NCOA6: variants seen among roughly 807,000 people sequenced by gnomAD.
NCOA6 encodes NRC RAP250.
Under a neutral mutation model 171.4 loss-of-function variants are expected in NCOA6, and 49 were observed. The ratio of observed to expected loss-of-function variants is 0.29; its 90% CI spans 0.23 to 0.36. NCOA6 has a LOEUF of 0.36. Ranked by LOEUF, NCOA6 falls within the 10% of genes least tolerant of loss-of-function variation. NCOA6 has a pLI of 1.00. For synonymous variants in NCOA6, 910 were observed against 927.5 expected (o/e 0.98, Z 0.34); for missense variants, 2,248 against 2,554.5 (o/e 0.88, Z 2.59).
intron 1 of NCOA6, among the ~76,000 whole-genome samples, chr20:34,818,000 T>C (rs559231174): frequency 2.0e-5 from 3 of 152,318 alleles, no homozygotes; most frequent in Admixed American, 6.5e-5. Flanking sequence ...TATGCAGAGA[T>C]TAGGAAGGCA....
intron 4 of NCOA6, 73 bp downstream of exon 4, chr20:34,776,220 G>T: frequency 6.6e-7 from 1 of 1,523,602 alleles, no homozygotes; most frequent in Non-Finnish European, 8.9e-7. Context: ...AGACAAAGCA[G>T]CACAGAAAAT....
intron 5 of NCOA6, among the ~76,000 whole-genome samples, chr20:34,767,073 C>A (rs1038477971): frequency 7.2e-5 from 11 of 152,118 alleles, no homozygotes; most frequent in Non-Finnish European, 1.2e-4. Flanking sequence ...TTTCCTAAGT[C>A]CTAACAAGAA....
In NCOA6 at chr20:34,741,512, G is replaced by C; in HGVS notation, c.4744C>G (p.Pro1582Ala). The change falls in exon 11 of 15, where the codon CCT (proline) becomes GCT (alanine). Residue 1582 changes from proline to alanine, a missense_variant. By Grantham distance (27) the Pro-to-Ala change is conservative (BLOSUM62 -1). Around this residue, in one of 7 missense-constraint regions of NCOA6, gnomAD observed 884 missense variants for 941.9 expected, o/e 0.94. Coordinates refer to ENST00000359003, the MANE Select transcript of NCOA6 (RefSeq NM_014071.5). ...APSIPPVMSR[P>A]VSSSSISTPL... ...GTGGAAATGGAGGAAGAGCTAACAG[G>C]TCTTGACATTACTGGAGGGATGCTT... The C allele has an allele frequency of 6.2e-7, 1 of 1,614,174 alleles. No individual in the cohort carries two copies. Among genetic ancestry groups the C allele is most frequent in the Middle Eastern group, 1.6e-4 (1 of 6,062 alleles).
At chr20:34,797,446 G>A (rs770175347) in intron 1 of NCOA6, among the ~76,000 whole-genome samples, 1 of 152,028 alleles carries the variant, frequency 6.6e-6, no homozygotes, top group Non-Finnish European at 1.5e-5. Context: ...AAAGACCCAT[G>A]AGGCCCCAAA....
In NCOA6 at chr20:34,746,830, G is replaced by A; in HGVS notation, c.2891C>T (p.Pro964Leu). ...INLDNSGPKLPEFSNRPPGYP... is the reference protein window; with the variant it reads ...INLDNSGPKLLEFSNRPPGYP... ...ACCTGGTGGCCGGTTTGAAAATTCTGGCAGTTTAGGGCCTGAGTTATCCAA... is the reference window on the plus strand; with the variant it reads ...ACCTGGTGGCCGGTTTGAAAATTCTAGCAGTTTAGGGCCTGAGTTATCCAA... Residue 964 changes from proline (P) to leucine (L), a missense_variant, in exon 10 of 15, where the codon CCA (proline) becomes CTA (leucine). Around this residue, in one of 7 missense-constraint regions of NCOA6, gnomAD observed 352 missense variants for 419.1 expected, o/e 0.84. Transcript: ENST00000359003. 6.2e-7 allele frequency: 1 copy of A among 1,607,802 alleles called. No individual in the cohort carries two copies. The highest frequency in any genetic ancestry group is 2.2e-5 in the East Asian group (1 of 44,784).
intron 6 of NCOA6, 133 bp from the exon 7 acceptor site, chr20:34,758,237 C>T: frequency 4.1e-6 from 5 of 1,211,246 alleles, no homozygotes; most frequent in Non-Finnish European, 5.6e-6. Flanking sequence ...CTTGTGAATA[C>T]CTTCTATGTA....
At chr20:34,791,235 C>T (rs974415437) in intron 2 of NCOA6, among the ~76,000 whole-genome samples, 1 of 152,216 alleles carries the variant, frequency 6.6e-6, no homozygotes, top group African/African-American at 2.4e-5. Context: ...CCACTCCATA[C>T]AGAAAGTAGC....
Position 34,778,684 on chromosome 20 carries a change from C to CA in NCOA6, c.236-2237_236-2236insT, listed in dbSNP as rs1318951569. On this transcript the variant is annotated intron_variant, in intron 3 of 14. Transcript: ENST00000359003. ...CTTGTGATCCACCTGCCTCGGCCTCCCAAAGTGCTGGGATTGCAGGCATGA... is the reference window on the plus strand; with the variant it reads ...CTTGTGATCCACCTGCCTCGGCCTCCACAAAGTGCTGGGATTGCAGGCATGA... Among the ~76,000 whole-genome samples, 3 of 151,990 alleles carry CA rather than the reference C, an allele frequency of 2.0e-5. No homozygotes were observed. In the East Asian group the frequency reaches 5.8e-4, roughly 30 times the overall value.
chr20:34,742,162 A>C lies in NCOA6; in HGVS notation c.4094T>G (p.Leu1365Trp), dbSNP rs777000211. 6.2e-7 allele frequency: 1 copy of C among 1,614,220 alleles called. No homozygotes were observed. Among genetic ancestry groups the C allele is most frequent in the Admixed American group, 1.7e-5 (1 of 60,024 alleles). Residue 1365 changes from leucine (L) to tryptophan (W), a missense_variant, in exon 11 of 15, where the codon TTG (leucine) becomes TGG (tryptophan). Coordinates refer to ENST00000359003, the MANE Select transcript of NCOA6 (RefSeq NM_014071.5). ...TLASQTNAALLQNVELPRNVL... is the reference protein window; with the variant it reads ...TLASQTNAALWQNVELPRNVL... ...ATTTCTCGGCAACTCCACATTCTGC[A>C]ATAGGGCTGCATTTGTCTGAGAGGC...
intron 3 of NCOA6, among the ~76,000 whole-genome samples, chr20:34,779,142 T>C (rs2077440800): frequency 6.6e-6 from 1 of 152,108 alleles, no homozygotes; most frequent in African/African-American, 2.4e-5. Flanking sequence ...AAAAGTTAAG[T>C]AATTGAGGAG....
chr20:34,757,241 T>C lies in NCOA6; in HGVS notation c.1507A>G (p.Ser503Gly). The C allele has an allele frequency of 6.3e-7, 1 of 1,597,926 alleles. No individual in the cohort carries two copies. The highest frequency in any genetic ancestry group is 8.5e-7 in the Non-Finnish European group (1 of 1,171,968). The change falls in exon 7 of 15, where the codon AGT becomes GGT. Residue 503 changes from serine to glycine, a missense_variant. Ser to Gly is a moderately conservative substitution (Grantham distance 56). This residue lies in a region of NCOA6 where 987 missense variants were observed against 1,104.7 expected (regional missense o/e 0.89). Coordinates refer to ENST00000359003, the MANE Select transcript of NCOA6 (RefSeq NM_014071.5). ...TCACCTCCTAGGCCTGGATGTAAACTCTGTGGCCCCTGGTTTGGTGGTTGC... is the reference window on the plus strand; with the variant it reads ...TCACCTCCTAGGCCTGGATGTAAACCCTGTGGCCCCTGGTTTGGTGGTTGC... The part of the protein sequence containing the change: ...QQQPPNQGPQ[S>G]LHPGLGGMPK...
chr20:34,743,422 A>C, intron 10 of NCOA6, 81 bp from the exon 11 acceptor site: 1 of 1,430,690 alleles, frequency 7.0e-7, no homozygotes, highest in East Asian at 2.3e-5. Context: ...GCCAAGCAAT[A>C]CTCATCTAGG....
chr20:34,782,155 T>C lies in NCOA6; in HGVS notation c.201A>G (p.Ala67=), dbSNP rs773955711. 1.9e-6 allele frequency: 3 copies of C among 1,606,192 alleles called. No homozygotes were observed. The highest frequency in any genetic ancestry group is 3.4e-5 in the Admixed American group (2 of 58,916). ...DDKDFKWKLD[A]ILKNVPNLLH... ...ACAAATTGGGCACGTTTTTCAATAT[T>C]GCATCTAATTTCCATTTGAAGTCTT... Residue 67 remains alanine (A), a synonymous_variant, in exon 3 of 15, where the codon GCA becomes GCG. Coordinates refer to ENST00000359003, the MANE Select transcript of NCOA6 (RefSeq NM_014071.5).
intron 4 of NCOA6, among the ~76,000 whole-genome samples, chr20:34,773,531 C>T (rs990653561): frequency 5.3e-5 from 7 of 132,474 alleles, no homozygotes; most frequent in Admixed American, 2.6e-4. Flanking sequence ...CTCGGCTCAC[C>T]GCAACCTCCA....
In NCOA6 at chr20:34,793,544, G is replaced by A. The variant is rs141982220; in HGVS notation, c.-163-981C>T. ...TGACTAAAGCAGGAGGATCACTTGAGGTCAAGAGTTTGAGGTTACAGTGAG... is the reference window on the plus strand; with the variant it reads ...TGACTAAAGCAGGAGGATCACTTGAAGTCAAGAGTTTGAGGTTACAGTGAG... On this transcript the variant is annotated intron_variant, in intron 1 of 14. Transcript: ENST00000359003. 1.6e-3 allele frequency among the ~76,000 whole-genome samples: 250 copies of A among 152,086 alleles called. 1 individual carries two copies. The highest frequency in any genetic ancestry group is 3.4e-3 in the Middle Eastern group (1 of 294).
chr20:34,805,755 C>G (rs1047214402), intron 1 of NCOA6, among the ~76,000 whole-genome samples: 1 of 150,746 alleles, frequency 6.6e-6, no homozygotes, highest in Non-Finnish European at 1.5e-5. Flanking sequence ...GTGGTATGAT[C>G]TCGGCTCACT....
intron 1 of NCOA6, among the ~76,000 whole-genome samples, chr20:34,811,234 T>TACAC (rs1555858095): frequency 5.0e-5 from 6 of 119,960 alleles, no homozygotes; most frequent in African/African-American, 1.8e-4. Context: ...TATATATATA[T>TACAC]ATGCTTTCAA....
intron 13 of NCOA6, among the ~76,000 whole-genome samples, chr20:34,728,270 G>A (rs961276265): frequency 1.3e-5 from 2 of 152,092 alleles, no homozygotes; most frequent in East Asian, 1.9e-4. Context: ...TAGGTATATT[G>A]ATTGTCCACA....
chr20:34,743,332 G>A lies in NCOA6; in HGVS notation c.2924C>T (p.Ser975Phe). 6.2e-7 allele frequency: 1 copy of A among 1,602,478 alleles called. No individual in the cohort carries two copies. Among genetic ancestry groups the A allele is most frequent in the Non-Finnish European group, 8.5e-7 (1 of 1,171,880 alleles). ...AAGTGGCCTCTGTTCAACTGGTTGAGAAGGATAACCTAAAACAAGCCCCCC... is the reference window on the plus strand; with the variant it reads ...AAGTGGCCTCTGTTCAACTGGTTGAAAAGGATAACCTAAAACAAGCCCCCC... ...EFSNRPPGYPSQPVEQRPLQQ... is the reference protein window; with the variant it reads ...EFSNRPPGYPFQPVEQRPLQQ... Residue 975 changes from serine to phenylalanine, a missense_variant, in exon 11 of 15, where the codon TCT (serine) becomes TTT (phenylalanine). By Grantham distance (155) the Ser-to-Phe change is radical. This residue lies in a region of NCOA6 where 352 missense variants were observed against 419.1 expected (regional missense o/e 0.84). Transcript: ENST00000359003.
Sources: gnomAD v4.1 joint callset for allele counts (sites outside exome capture counted in the v4.1 genomes callset) on GRCh38, gnomAD v4.1.1 for gene constraint, gnomAD v4.1.1 regional missense constraint, MANE v1.5 for transcripts, NCBI Gene and HGNC (gene_info 2026-07-23, HGNC 2026-07-21) for gene names.